The following GRIK2 variants were observed in gnomAD, a reference collection of about 807,000 sequenced individuals.
GRIK2 encodes the protein glutamate ionotropic receptor kainate type subunit 2.
A neutral mutation model predicts 100.3 loss-of-function variants in GRIK2; 32 were observed. The ratio of observed to expected loss-of-function variants is 0.32; its 90% confidence interval spans 0.24 to 0.43. The LOEUF (loss-of-function observed/expected upper bound fraction) is 0.43, where lower values mean the gene tolerates loss of function less well. GRIK2 is among the 20% of genes least tolerant of loss of function. GRIK2 has a pLI of 1.00. For synonymous variants in GRIK2, 417 were observed against 389.4 expected (o/e 1.07, Z -0.83); for missense variants, 843 against 1,114.9 (o/e 0.76, Z 3.47).
intron 14 of GRIK2, among the ~76,000 whole-genome samples, chr6:101,960,833 A>G (rs1345453529): frequency 3.9e-5 from 6 of 152,178 alleles, no homozygotes; most frequent in Non-Finnish European, 8.8e-5. Flanking sequence ...GGTGGTAGTT[A>G]CGGGTAACAG....
intron 7 of GRIK2, among the ~76,000 whole-genome samples, chr6:101,781,129 A>G (rs1247228277): frequency 6.6e-6 from 1 of 151,858 alleles, no homozygotes; most frequent in Non-Finnish European, 1.5e-5. Context: ...TTTTTCAGTT[A>G]TCTTTTTCTA....
At chr6:101,461,452 TC>T (rs1771303271) in intron 2 of GRIK2, among the ~76,000 whole-genome samples, 1 of 152,204 alleles carries the variant, frequency 6.6e-6, no homozygotes, top group South Asian at 2.1e-4. Context: ...GCCACCACAT[TC>T]CTTACCTTAT....
chr6:101,729,267 G>A (rs1775089278), intron 7 of GRIK2, among the ~76,000 whole-genome samples: 1 of 151,938 alleles, frequency 6.6e-6, no homozygotes, highest in African/African-American at 2.4e-5. Context: ...TTTAATTAGA[G>A]AGAAGTATGT....
intron 4 of GRIK2, among the ~76,000 whole-genome samples, chr6:101,632,938 A>G (rs773950432): frequency 2.0e-5 from 3 of 152,094 alleles, no homozygotes; most frequent in Non-Finnish European, 4.4e-5. Flanking sequence ...ATCATGAAGG[A>G]TAAGTAAAAT....
At chr6:101,514,580 T>G (rs1232466930) in intron 2 of GRIK2, among the ~76,000 whole-genome samples, 1 of 152,144 alleles carries the variant, frequency 6.6e-6, no homozygotes, top group African/African-American at 2.4e-5. Flanking sequence ...ATTTCCTTAT[T>G]TAAAAATTGA....
chr6:102,068,501 C>A lies in GRIK2; in HGVS notation c.2717C>A (p.Thr906Asn). The A allele has an allele frequency of 6.2e-7, 1 of 1,610,856 alleles. No homozygotes were observed. The highest frequency in any genetic ancestry group is 8.5e-7 in the Non-Finnish European group (1 of 1,177,996). The stretch of plus-strand genomic sequence containing the variant: ...GACAGAAGGTTGCCAGGTAAAGAAA[C>A]CATGGCATAAAGCTGGGAGGCCAAA... ...FNDRRLPGKE[T>N]MA The change falls in exon 17 of 17, where the codon ACC becomes AAC. Residue 906 changes from threonine to asparagine, a missense_variant. Physicochemically the swap from Thr to Asn is moderately conservative, Grantham distance 65. This residue lies in a region of GRIK2 where 87 missense variants were observed against 83.2 expected (regional missense o/e 1.05). Coordinates refer to ENST00000369134, the MANE Select transcript of GRIK2 (RefSeq NM_021956.5).
chr6:101,933,456 CT>C (rs1283620457), intron 14 of GRIK2, among the ~76,000 whole-genome samples: 1 of 151,964 alleles, frequency 6.6e-6, no homozygotes, highest in African/African-American at 2.4e-5. Flanking sequence ...GTTTGGCTAT[CT>C]TTTGGCTAAA....
At chr6:102,029,678 C>A (rs1769883700) in intron 14 of GRIK2, among the ~76,000 whole-genome samples, 1 of 151,180 alleles carries the variant, frequency 6.6e-6, no homozygotes. Flanking sequence ...TAAATATTTT[C>A]AAACCAGAGG....
chr6:101,898,493 G>C (rs1787624476), intron 12 of GRIK2, among the ~76,000 whole-genome samples: 1 of 151,598 alleles, frequency 6.6e-6, no homozygotes, highest in Non-Finnish European at 1.5e-5. Context: ...AAAATCCTTA[G>C]TTAGCTGTAC....
At chr6:101,575,757 C>A (rs1286587838) in intron 2 of GRIK2, among the ~76,000 whole-genome samples, 5 of 152,040 alleles carry the variant, frequency 3.3e-5, no homozygotes, top group African/African-American at 1.2e-4. Flanking sequence ...AATTTCTGAG[C>A]TTTGCGGCTG....
At chr6:101,584,640 T>C (rs1389737573) in intron 2 of GRIK2, among the ~76,000 whole-genome samples, 1 of 152,028 alleles carries the variant, frequency 6.6e-6, no homozygotes, top group Admixed American at 6.6e-5. Flanking sequence ...TAGCTCCTTC[T>C]GTACTGTACA....
intron 11 of GRIK2, among the ~76,000 whole-genome samples, chr6:101,860,178 A>G (rs1016301036): frequency 1.2e-4 from 18 of 152,124 alleles, no homozygotes; most frequent in African/African-American, 2.7e-4. Context: ...GCAACTTCAG[A>G]TAGACATCTT....
chr6:101,692,039 CAAAAAAAAAAAAAAAA>C (rs60210939), intron 7 of GRIK2, among the ~76,000 whole-genome samples: 6 of 78,376 alleles, frequency 7.7e-5, no homozygotes, highest in South Asian at 4.7e-4. Context: ...CACCCCGTCT[CAAAAAAAAAAAAAAAA>C]AAAAAAAAAA....
intron 2 of GRIK2, among the ~76,000 whole-genome samples, chr6:101,563,962 A>C (rs541851974): frequency 1.3e-5 from 2 of 152,200 alleles, no homozygotes; most frequent in African/African-American, 2.4e-5. Context: ...GTAATATTCA[A>C]TATTTCTATT....
rs767238683 is a variant in GRIK2 at position 101,676,845 on chromosome 6, C to T, written c.723+41C>T. The T allele has an allele frequency of 4.3e-6, 5 of 1,162,322 alleles. No individual in the cohort carries two copies. In the Admixed American group the frequency reaches 8.8e-5, roughly 20 times the overall value. The allele number at this position is 1,162,322 out of a possible 1,614,324, so 72.0% of individuals were successfully genotyped here. A position where few individuals can be genotyped will look rare whatever the true frequency, so the allele number is the denominator to read the frequency against. ...CTTCAATTCTTGTTTTCTTCATAAA[C>T]TTGCACTTACAATATGATCTTCTTT... On this transcript the variant is annotated intron_variant, in intron 5 of 16. Transcript: ENST00000369134.
At chr6:101,619,482 A>G (rs1780044030) in intron 2 of GRIK2, among the ~76,000 whole-genome samples, 1 of 152,000 alleles carries the variant, frequency 6.6e-6, no homozygotes, top group Non-Finnish European at 1.5e-5. Flanking sequence ...AGTATCATCA[A>G]ATATTGATTC....
chr6:101,884,006 G>A (rs1582453145), intron 11 of GRIK2, among the ~76,000 whole-genome samples: 1 of 152,114 alleles, frequency 6.6e-6, no homozygotes, highest in East Asian at 1.9e-4. Context: ...AGTTGGGCAA[G>A]AATGAAAATA....
chr6:101,491,163 G>C (rs1234089226), intron 2 of GRIK2, among the ~76,000 whole-genome samples: 1 of 151,554 alleles, frequency 6.6e-6, no homozygotes, highest in Non-Finnish European at 1.5e-5. Flanking sequence ...GTAACCTCAA[G>C]TGGCTAATAT....
intron 14 of GRIK2, among the ~76,000 whole-genome samples, chr6:102,023,960 A>G (rs148497687): frequency 6.6e-6 from 1 of 151,416 alleles, no homozygotes; most frequent in African/African-American, 2.4e-5. Context: ...ATGAGGCTCC[A>G]GTGGGATTGG....
Sources: gnomAD v4.1 joint callset for allele counts (sites outside exome capture counted in the v4.1 genomes callset) on GRCh38, gnomAD v4.1.1 for gene constraint, gnomAD v4.1.1 regional missense constraint, MANE v1.5 for transcripts, NCBI Gene and HGNC (gene_info 2026-07-23, HGNC 2026-07-21) for gene names.